Variants in PRKAR1A observed in about 807,000 individuals in gnomAD.
PRKAR1A encodes the protein cAMP-dependent protein kinase type I-alpha regulatory subunit.
Under a neutral mutation model 52.0 loss-of-function variants are expected in PRKAR1A, and 3 were observed. The ratio of observed to expected loss-of-function variants is 0.06; its 90% CI spans 0.03 to 0.15. The LOEUF is 0.15. Ranked by LOEUF, PRKAR1A falls within the 10% of genes least tolerant of loss-of-function variation. The pLI is 1.00. For synonymous variants in PRKAR1A, 188 were observed against 168.4 expected (o/e 1.12, Z -0.90); for missense variants, 240 against 477.4 (o/e 0.50, Z 4.63).
At chr17:68,488,538 A>G in the PRKAR1A span, among the ~76,000 whole-genome samples, 1 of 151,602 alleles carries the variant, frequency 6.6e-6, no homozygotes, top group South Asian at 2.1e-4. Flanking sequence ...GACCAGCCTG[A>G]CCAACATGGC....
At chr17:68,521,849 G>T (rs997207133) in intron 2 of PRKAR1A, among the ~76,000 whole-genome samples, 24 of 152,108 alleles carry the variant, frequency 1.6e-4, no homozygotes, top group Admixed American at 6.5e-4. Context: ...GAAAGTAGAA[G>T]ATAACACATT....
chr17:68,433,776 T>TTTTTTTTTTG, the PRKAR1A span, among the ~76,000 whole-genome samples: 1 of 63,124 alleles, frequency 1.6e-5, no homozygotes, highest in African/African-American at 5.1e-5. Context: ...TTTTTTTTTT[T>TTTTTTTTTTG]TTTTTTTTTT....
intron 11 of PRKAR1A, chr17:68,541,033 CTGCCCCCCCAA>C: frequency 6.5e-7 from 1 of 1,545,374 alleles, no homozygotes; most frequent in South Asian, 1.2e-5. Context: ...ACACCTCCCC[CTGCCCCCCCAA>C]TCCCTGCCTC....
Position 68,530,731 on chromosome 17 carries a change from T to A in PRKAR1A, c.*282T>A. On this transcript the variant is annotated 3_prime_UTR_variant, in exon 11 of 11. Transcript: ENST00000589228. ...TCACCCTGGGCAGTGAGTGCCATGCTTTTTGGTGAGGGCAGATCCCAGCAC... is the reference window on the plus strand; with the variant it reads ...TCACCCTGGGCAGTGAGTGCCATGCATTTTGGTGAGGGCAGATCCCAGCAC... 7.4e-7 allele frequency: 1 copy of A among 1,348,890 alleles called. No homozygotes were observed. The highest frequency in any genetic ancestry group is 9.6e-7 in the Non-Finnish European group (1 of 1,045,500). 83.6% of individuals were successfully genotyped at this position (1,348,890 alleles called of 1,614,324 possible).
the PRKAR1A span, chr17:68,428,228 G>GT: frequency 0.14 from 18,718 of 135,790 alleles, 1,570 homozygotes; most frequent in East Asian, 0.35. Context: ...CAGGGAATAG[G>GT]TTTTTTTTTT....
chr17:68,490,752 C>T, the PRKAR1A span, among the ~76,000 whole-genome samples: 7 of 152,062 alleles, frequency 4.6e-5, no homozygotes, highest in Non-Finnish European at 8.8e-5. Context: ...TTCCTATTAT[C>T]CTGAATGGGG....
upstream of PRKAR1A, among the ~76,000 whole-genome samples, chr17:68,509,785 T>C (rs574528361): frequency 1.3e-5 from 2 of 152,300 alleles, no homozygotes; most frequent in South Asian, 4.1e-4. Flanking sequence ...TACTGCCCAT[T>C]TCCCTTTATG....
the PRKAR1A span, among the ~76,000 whole-genome samples, chr17:68,448,896 G>T: frequency 6.6e-6 from 1 of 152,128 alleles, no homozygotes; most frequent in Non-Finnish European, 1.5e-5. Flanking sequence ...TGCCAAGAAT[G>T]CAGGTTTCTT....
upstream of PRKAR1A, among the ~76,000 whole-genome samples, chr17:68,510,906 C>T (rs1203087145): frequency 6.6e-6 from 1 of 152,114 alleles, no homozygotes; most frequent in Non-Finnish European, 1.5e-5. Flanking sequence ...GGGGAGCAGT[C>T]GGCCTCCGAG....
chr17:68,427,182 G>A, the PRKAR1A span: 2 of 1,614,022 alleles, frequency 1.2e-6, no homozygotes, highest in Admixed American at 1.7e-5. Context: ...TACGGTCGCT[G>A]CATAAGACTG....
chr17:68,422,091 G>A, the PRKAR1A span: 520 of 422,686 alleles, frequency 1.2e-3, 7 homozygotes, highest in Non-Finnish European at 2.5e-4. Context: ...ATTTTTAAAA[G>A]GCTCATCTTA....
chr17:68,500,894 A>G, the PRKAR1A span, among the ~76,000 whole-genome samples: 1 of 152,216 alleles, frequency 6.6e-6, no homozygotes, highest in African/African-American at 2.4e-5. Context: ...GACACTATTG[A>G]GGATTTGTTC....
chr17:68,539,357 C>T lies in PRKAR1A; in HGVS notation c.973+9356C>T, dbSNP rs147490820. On this transcript the variant is annotated intron_variant, in intron 11 of 11. Coordinates refer to the PRKAR1A transcript ENST00000585981. ...CTTACATGCAGCACTGGGAGAGAGG[C>T]GAGAGGATGGAGATTTCATCATGGG... 25 of 1,614,138 alleles carry T rather than the reference C, an allele frequency of 1.5e-5. No individual in the cohort carries two copies. In the African/African-American group the frequency reaches 1.9e-4, roughly 12 times the overall value.
rs946489922 is a variant in PRKAR1A, at chr17:68,531,226, T to G, written c.*777T>G. 1.9e-6 allele frequency: 2 copies of G among 1,066,344 alleles called. No homozygotes were observed. The highest frequency in any genetic ancestry group is 1.6e-5 in the African/African-American group (1 of 61,128). 66.1% of individuals were successfully genotyped at this position (1,066,344 alleles called of 1,614,324 possible). A position where few individuals can be genotyped will look rare whatever the true frequency, so the allele number is the denominator to read the frequency against. ...TCTGCCTCGGCTCACAAATTCCGAT[T>G]AGACCTTTATCCAGCTAGTGCCAAA... is the stretch of plus-strand genomic sequence containing the variant. On this transcript the variant is annotated 3_prime_UTR_variant, in exon 11 of 11. Transcript: ENST00000589228.
chr17:68,485,492 T>G, the PRKAR1A span, among the ~76,000 whole-genome samples: 1 of 152,206 alleles, frequency 6.6e-6, no homozygotes, highest in Non-Finnish European at 1.5e-5. Context: ...ATTTTGACCC[T>G]TTGATCTTTT....
At chr17:68,424,960 A>T in the PRKAR1A span, among the ~76,000 whole-genome samples, 1 of 152,246 alleles carries the variant, frequency 6.6e-6, no homozygotes, top group Non-Finnish European at 1.5e-5. Flanking sequence ...GAAGCTCACA[A>T]GAGCGGTCTA....
chr17:68,419,678 G>C, the PRKAR1A span, among the ~76,000 whole-genome samples: 1 of 152,086 alleles, frequency 6.6e-6, no homozygotes, highest in East Asian at 1.9e-4. Context: ...AATCATTTTA[G>C]TGTGGCTGCA....
downstream of PRKAR1A, chr17:68,533,520 AATG>A (rs1268386061): frequency 2.7e-6 from 2 of 745,854 alleles, no homozygotes; most frequent in African/African-American, 3.8e-5. Context: ...TTTATTTTTT[AATG>A]ATTTAAATAT....
chr17:68,421,300 T>C, the PRKAR1A span: 1 of 158,468 alleles, frequency 6.3e-6, no homozygotes, highest in Non-Finnish European at 1.4e-5. Context: ...ATGATTTTAT[T>C]ATTAGTGTCC....
Sources: allele counts gnomAD v4.1 joint callset (sites outside exome capture counted in the v4.1 genomes callset), GRCh38; gene constraint gnomAD v4.1.1; transcripts MANE v1.5; gene names NCBI Gene and HGNC (gene_info 2026-07-23, HGNC 2026-07-21).